The following SPOCK3 variants were observed in gnomAD, a reference collection of about 807,000 sequenced individuals.
SPOCK3 encodes the protein SPARC (osteonectin), cwcv and kazal like domains proteoglycan 3.
In SPOCK3, 30 loss-of-function variants were observed where a neutral mutation model predicts 56.6. The observed-to-expected ratio is 0.53, with a 90% CI of 0.40 to 0.72. SPOCK3 has a LOEUF of 0.72. SPOCK3 is among the 30% of genes least tolerant of loss of function. The probability of loss-of-function intolerance (pLI) is 0.00; values close to 1 mark genes in which losing one functional copy is unlikely to be tolerated. For missense variants in SPOCK3, 527 were observed against 530.0 expected (o/e 0.99, Z 0.06); for synonymous variants, 196 against 183.3 (o/e 1.07, Z -0.56).
At chr4:167,088,455 T>G (rs995118977) in intron 2 of SPOCK3, among the ~76,000 whole-genome samples, 1 of 148,698 alleles carries the variant, frequency 6.7e-6, no homozygotes, top group Non-Finnish European at 1.5e-5. Flanking sequence ...ATAACACCTA[T>G]GAAAACTTTT....
chr4:166,752,071 C>G (rs1338712279), intron 8 of SPOCK3, among the ~76,000 whole-genome samples: 1 of 152,070 alleles, frequency 6.6e-6, no homozygotes, highest in East Asian at 1.9e-4. Flanking sequence ...CTCTGGTACT[C>G]TGTTGCCCAG....
At chr4:167,112,850 A>ATTT (rs1169541036) in intron 2 of SPOCK3, among the ~76,000 whole-genome samples, 29 of 150,056 alleles carry the variant, frequency 1.9e-4, no homozygotes, top group Non-Finnish European at 3.3e-4. Context: ...CTCTTTTTTA[A>ATTT]AAAAAAAAAT....
intron 6 of SPOCK3, among the ~76,000 whole-genome samples, chr4:166,829,113 C>T (rs989660250): frequency 6.6e-6 from 1 of 151,896 alleles, no homozygotes; most frequent in Non-Finnish European, 1.5e-5. Context: ...AATGATGTAA[C>T]CTCACCACAT....
At chr4:167,209,788 A>C (rs568331726) in intron 2 of SPOCK3, among the ~76,000 whole-genome samples, 1 of 152,190 alleles carries the variant, frequency 6.6e-6, no homozygotes, top group Non-Finnish European at 1.5e-5. Context: ...ATATACAAAA[A>C]AAATTTTTAA....
intron 2 of SPOCK3, among the ~76,000 whole-genome samples, chr4:167,133,403 C>A (rs778507039): frequency 6.6e-6 from 1 of 152,156 alleles, no homozygotes; most frequent in Non-Finnish European, 1.5e-5. Context: ...CAGCTGTAGA[C>A]TTCTGCTTCC....
At chr4:166,746,473 A>G (rs1051410696) in intron 8 of SPOCK3, among the ~76,000 whole-genome samples, 8 of 152,186 alleles carry the variant, frequency 5.3e-5, no homozygotes, top group African/African-American at 1.7e-4. Context: ...TCTCTGGGAC[A>G]CATTTAAAGC....
intron 6 of SPOCK3, among the ~76,000 whole-genome samples, chr4:166,855,786 G>T (rs1730580084): frequency 1.3e-5 from 2 of 152,084 alleles, no homozygotes. Flanking sequence ...ATTAGGTGTG[G>T]GGAGGGGCCT....
At chr4:166,754,422 T>C (rs1468911115) in intron 8 of SPOCK3, 86 bp downstream of exon 8, 2 of 1,490,266 alleles carry the variant, frequency 1.3e-6, no homozygotes. Context: ...TGAATGAGCA[T>C]AGTGTACTGT....
intron 2 of SPOCK3, among the ~76,000 whole-genome samples, chr4:167,078,786 G>A (rs375132296): frequency 5.3e-5 from 8 of 151,572 alleles, no homozygotes; most frequent in South Asian, 2.1e-4. Flanking sequence ...AATCTGCTAC[G>A]GAAAATAATT....
intron 3 of SPOCK3, among the ~76,000 whole-genome samples, chr4:167,022,307 T>G (rs115986420): frequency 0.012 from 1,894 of 152,172 alleles, 19 homozygotes; most frequent in Non-Finnish European, 0.019. Flanking sequence ...TGCCATCAAC[T>G]GTTCTGCAAC....
intron 2 of SPOCK3, among the ~76,000 whole-genome samples, chr4:167,117,415 G>A (rs1231320347): frequency 6.6e-6 from 1 of 152,082 alleles, no homozygotes; most frequent in Non-Finnish European, 1.5e-5. Context: ...TGAGTCCCGG[G>A]CAAGAGTGAG....
chr4:167,079,629 T>C (rs1227124325), intron 2 of SPOCK3, among the ~76,000 whole-genome samples: 1 of 151,994 alleles, frequency 6.6e-6, no homozygotes, highest in East Asian at 1.9e-4. Context: ...TCAAATGTAA[T>C]GGTCAACTTC....
intron 2 of SPOCK3, among the ~76,000 whole-genome samples, chr4:167,117,907 A>G (rs1761564116): frequency 6.6e-6 from 1 of 152,220 alleles, no homozygotes; most frequent in South Asian, 2.1e-4. Flanking sequence ...ACCCAGCACA[A>G]ATACAAATTA....
rs569422426 is a variant in SPOCK3 at position 166,786,035 on chromosome 4, A to G, written c.709+6135T>C. 3.3e-5 allele frequency among the ~76,000 whole-genome samples: 5 copies of G among 152,318 alleles called. No homozygotes were observed. In the South Asian group the frequency reaches 8.3e-4, roughly 25 times the overall value. On this transcript the variant is annotated intron_variant, in intron 7 of 10. Transcript: ENST00000357545. ...AGAAAATAAGCTGGTAAACATTCAT[A>G]TATCAGGTAGCAATATTTACTAGAA...
intron 2 of SPOCK3, among the ~76,000 whole-genome samples, chr4:167,105,966 G>A (rs1760105025): frequency 6.6e-6 from 1 of 151,892 alleles, no homozygotes; most frequent in Non-Finnish European, 1.5e-5. Context: ...AATCATTACT[G>A]GAGCACCCAG....
At chr4:166,921,528 G>C (rs1423784116) in intron 4 of SPOCK3, among the ~76,000 whole-genome samples, 2 of 152,002 alleles carry the variant, frequency 1.3e-5, no homozygotes, top group Non-Finnish European at 2.9e-5. Context: ...ATGTTGGCCA[G>C]GATAGTCTCA....
At chr4:167,216,207 A>T (rs1245846135) in intron 2 of SPOCK3, among the ~76,000 whole-genome samples, 3 of 152,036 alleles carry the variant, frequency 2.0e-5, no homozygotes, top group Non-Finnish European at 4.4e-5. Flanking sequence ...CATATATATG[A>T]ACTGATCCAT....
chr4:167,122,503 T>C (rs980123794), intron 2 of SPOCK3, among the ~76,000 whole-genome samples: 2 of 152,030 alleles, frequency 1.3e-5, no homozygotes, highest in Non-Finnish European at 2.9e-5. Flanking sequence ...GTCATCCCTA[T>C]AGATAGAGAG....
At chr4:166,822,998 A>G (rs1371982155) in intron 6 of SPOCK3, among the ~76,000 whole-genome samples, 1 of 152,082 alleles carries the variant, frequency 6.6e-6, no homozygotes, top group Non-Finnish European at 1.5e-5. Context: ...ATACATACTT[A>G]GGAAGCCATA....
Sources: allele counts gnomAD v4.1 joint callset (sites outside exome capture counted in the v4.1 genomes callset), GRCh38; gene constraint gnomAD v4.1.1; transcripts MANE v1.5; gene names NCBI Gene and HGNC (gene_info 2026-07-23, HGNC 2026-07-21).